Variants in KCNH7 observed in about 807,000 individuals in gnomAD.
KCNH7 encodes the protein potassium voltage-gated channel subfamily H member 7.
A neutral mutation model predicts 120.8 loss-of-function variants in KCNH7; 49 were observed. The observed-to-expected ratio is 0.41, with a 90% CI of 0.32 to 0.51. The LOEUF (loss-of-function observed/expected upper bound fraction) is 0.51, where lower values mean the gene tolerates loss of function less well. Ranked by LOEUF, KCNH7 falls within the 20% of genes least tolerant of loss-of-function variation. The pLI, the probability that KCNH7 is intolerant of heterozygous loss-of-function variation, is 0.38. For missense variants in KCNH7, 1,097 were observed against 1,446.6 expected, an observed-to-expected ratio of 0.76 and a Z score of 3.92; for synonymous variants, 547 against 516.1, an observed-to-expected ratio of 1.06 and a Z score of -0.81.
At chr2:162,523,087 T>C (rs1374658038) in intron 3 of KCNH7, among the ~76,000 whole-genome samples, 3 of 151,876 alleles carry the variant, frequency 2.0e-5, no homozygotes, top group Admixed American at 2.0e-4. Flanking sequence ...GCCAAATTCA[T>C]GCAGAAAATT....
chr2:162,838,385 G>C, intron 1 of KCNH7, 58 bp downstream of exon 1: 1 of 1,420,586 alleles, frequency 7.0e-7, no homozygotes, highest in Non-Finnish European at 9.9e-7. Flanking sequence ...AGCGGTGGAC[G>C]CCAAGTGCAC....
At chr2:162,589,829 G>A (rs1694147337) in intron 2 of KCNH7, among the ~76,000 whole-genome samples, 1 of 152,134 alleles carries the variant, frequency 6.6e-6, no homozygotes, top group Non-Finnish European at 1.5e-5. Flanking sequence ...TGATGATTTT[G>A]AAAGTACTAT....
intron 8 of KCNH7, among the ~76,000 whole-genome samples, chr2:162,425,249 G>T (rs764391573): frequency 3.3e-5 from 5 of 151,820 alleles, no homozygotes; most frequent in African/African-American, 9.7e-5. Flanking sequence ...CAATTTCTTC[G>T]AATAAATCTC....
intron 2 of KCNH7, among the ~76,000 whole-genome samples, chr2:162,721,513 C>T (rs183568970): frequency 6.6e-6 from 1 of 152,232 alleles, no homozygotes; most frequent in East Asian, 1.9e-4. Flanking sequence ...GTCACTTCCT[C>T]TGATCAGCAG....
chr2:162,691,274 A>C (rs567132570), intron 2 of KCNH7, among the ~76,000 whole-genome samples: 3 of 152,310 alleles, frequency 2.0e-5, no homozygotes, highest in Admixed American at 6.5e-5. Context: ...GACCACTGTT[A>C]CGATTTAACT....
chr2:162,681,214 G>C (rs1685699536), intron 2 of KCNH7, among the ~76,000 whole-genome samples: 2 of 151,704 alleles, frequency 1.3e-5, no homozygotes, highest in Non-Finnish European at 3.0e-5. Flanking sequence ...GGACTGTAGA[G>C]AGCTGTAAAA....
intron 2 of KCNH7, among the ~76,000 whole-genome samples, chr2:162,830,381 T>C (rs1295362519): frequency 6.6e-6 from 1 of 152,174 alleles, no homozygotes; most frequent in Non-Finnish European, 1.5e-5. Context: ...ATTCAACTAA[T>C]TGATATTTAT....
chr2:162,798,036 G>T (rs1453833825), intron 2 of KCNH7: 1 of 152,002 alleles, frequency 6.6e-6, no homozygotes, highest in East Asian at 1.9e-4. Flanking sequence ...AGTAATAGAA[G>T]TTGTAACATG....
intron 6 of KCNH7, among the ~76,000 whole-genome samples, chr2:162,479,173 T>G (rs1211424728): frequency 7.0e-6 from 1 of 142,090 alleles, no homozygotes; most frequent in African/African-American, 2.6e-5. Flanking sequence ...TGTGAAAGTC[T>G]TTTTTTTTTT....
intron 8 of KCNH7, among the ~76,000 whole-genome samples, chr2:162,428,403 T>C (rs1224262280): frequency 6.6e-6 from 1 of 151,226 alleles, no homozygotes; most frequent in African/African-American, 2.5e-5. Flanking sequence ...ATAAATACTT[T>C]GTATGATTTT....
chr2:162,746,058 G>T (rs1250453649), intron 2 of KCNH7, among the ~76,000 whole-genome samples: 3 of 151,670 alleles, frequency 2.0e-5, no homozygotes, highest in Non-Finnish European at 4.4e-5. Flanking sequence ...ATAAATCTAA[G>T]GTAAAATGTC....
Position 162,435,542 on chromosome 2 carries a change from A to G in KCNH7, c.1610T>C (p.Val537Ala). The change falls in exon 8 of 16, where the codon GTG (valine) becomes GCG (alanine). Residue 537 changes from valine to alanine, a missense_variant. This residue lies in a region of KCNH7 where 109 missense variants were observed against 196.8 expected (regional missense o/e 0.55). Transcript: ENST00000332142. ...KTARLLRLVRVARKLDRYSEY... is the reference protein window; with the variant it reads ...KTARLLRLVRAARKLDRYSEY... ...TGAATATCGATCCAGTTTCCTGGCCACGCGCACAAGACGGAGGAGTCGGGC... is the reference window on the plus strand; with the variant it reads ...TGAATATCGATCCAGTTTCCTGGCCGCGCGCACAAGACGGAGGAGTCGGGC... 1.9e-6 allele frequency: 3 copies of G among 1,613,450 alleles called. No individual in the cohort carries two copies. Among genetic ancestry groups the G allele is most frequent in the Non-Finnish European group, 2.5e-6 (3 of 1,179,610 alleles).
chr2:162,492,489 T>C (rs762952475), intron 6 of KCNH7, among the ~76,000 whole-genome samples: 3 of 148,240 alleles, frequency 2.0e-5, no homozygotes, highest in Non-Finnish European at 4.4e-5. Flanking sequence ...TTAATACCTT[T>C]GTGACTTTTT....
chr2:162,689,143 C>CTATTATTATTATTAT lies in KCNH7; in HGVS notation c.307+147379_307+147393dup, dbSNP rs148007770. Among the ~76,000 whole-genome samples, 769 of 149,746 alleles carry CTATTATTATTATTAT rather than the reference C, an allele frequency of 5.1e-3. 2 individuals carry two copies. The highest frequency in any genetic ancestry group is 0.027 in the South Asian group (127 of 4,702). On this transcript the variant is annotated intron_variant, in intron 2 of 15. Coordinates refer to ENST00000332142, the MANE Select transcript of KCNH7 (RefSeq NM_033272.4). ...TTCATTATTGTATTACATTTAGTTA[C>CTATTATTATTATTAT]TATTATTATTATTATTATTATTATT...
intron 6 of KCNH7, among the ~76,000 whole-genome samples, chr2:162,461,241 C>T (rs985973541): frequency 4.6e-5 from 7 of 152,178 alleles, no homozygotes; most frequent in Non-Finnish European, 1.0e-4. Context: ...AGACACCAGG[C>T]TCTGGGATAT....
At chr2:162,680,480 T>A (rs1316881050) in intron 2 of KCNH7, among the ~76,000 whole-genome samples, 3 of 151,728 alleles carry the variant, frequency 2.0e-5, no homozygotes, top group Non-Finnish European at 4.4e-5. Flanking sequence ...TAGCTGAATG[T>A]CTACAAAATG....
chr2:162,772,251 A>G (rs1683083074), intron 2 of KCNH7, among the ~76,000 whole-genome samples: 1 of 152,178 alleles, frequency 6.6e-6, no homozygotes, highest in Non-Finnish European at 1.5e-5. Flanking sequence ...GGGAGAGAGA[A>G]AGAGATAAAG....
intron 2 of KCNH7, among the ~76,000 whole-genome samples, chr2:162,787,680 C>T (rs570365367): frequency 1.8e-4 from 27 of 152,276 alleles, no homozygotes; most frequent in African/African-American, 5.1e-4. Flanking sequence ...AGGACCAGCC[C>T]GGCCCCCACT....
At chr2:162,751,376 T>C (rs1046342717) in intron 2 of KCNH7, among the ~76,000 whole-genome samples, 5 of 152,172 alleles carry the variant, frequency 3.3e-5, no homozygotes, top group African/African-American at 4.8e-5. Flanking sequence ...TCTGCTTATA[T>C]TAAATTCCAC....
Sources: gnomAD v4.1 joint callset for allele counts (sites outside exome capture counted in the v4.1 genomes callset) on GRCh38, gnomAD v4.1.1 for gene constraint, gnomAD v4.1.1 regional missense constraint, MANE v1.5 for transcripts, NCBI Gene and HGNC (gene_info 2026-07-23, HGNC 2026-07-21) for gene names.